ABCB5: variants seen among roughly 807,000 people sequenced by gnomAD.
ABCB5 encodes the protein ATP binding cassette subfamily B member 5.
In ABCB5, 155 loss-of-function variants were observed where a neutral mutation model predicts 144.2. That is an observed-to-expected ratio of 1.08 (90% CI 0.94 to 1.23). The LOEUF (loss-of-function observed/expected upper bound fraction) is 1.23, where lower values mean the gene tolerates loss of function less well. Among genes scored for constraint, ABCB5 ranks in the 50% most tolerant of loss-of-function variants. The pLI is 0.00. For missense variants in ABCB5, 1,830 were observed against 1,520.8 expected (o/e 1.20, Z -3.38); for synonymous variants, 610 against 528.6 (o/e 1.15, Z -2.11).
At chr7:20,728,181 C>T (rs926358967) in intron 22 of ABCB5, 134 bp from the exon 23 acceptor site, 81 of 1,052,860 alleles carry the variant, frequency 7.7e-5, no homozygotes, top group Non-Finnish European at 1.1e-4. Context: ...ATCACTTTCT[C>T]TTTCATCATT....
At chr7:20,623,697 A>T (rs1479104373) in intron 2 of ABCB5, among the ~76,000 whole-genome samples, 2 of 152,324 alleles carry the variant, frequency 1.3e-5, no homozygotes, top group Middle Eastern at 3.4e-3. Flanking sequence ...TACCTTTAAT[A>T]AAAGAAAATA....
rs141876137 is a variant in ABCB5, at chr7:20,618,297, T to A, written c.-22+2460T>A. On this transcript the variant is annotated intron_variant, in intron 1 of 27. Coordinates refer to ENST00000404938, the MANE Select transcript of ABCB5 (RefSeq NM_001163941.2). Reference sequence around the variant, plus strand: ...ACTTCATATTAATGGAATTATATAGTATGTTGTCTTTCGTGATTGGGTTAT... The same window carrying A: ...ACTTCATATTAATGGAATTATATAGAATGTTGTCTTTCGTGATTGGGTTAT... Among the ~76,000 whole-genome samples the A allele has an allele frequency of 4.0e-3, 604 of 152,346 alleles. 3 individuals are homozygous for A. Among genetic ancestry groups the A allele is most frequent in the African/African-American group, 0.014 (592 of 41,572 alleles).
Position 20,643,734 on chromosome 7 carries a change from C to T in ABCB5, c.678+102C>T, listed in dbSNP as rs1256896138. On this transcript the variant is annotated intron_variant, in intron 7 of 27. Transcript: ENST00000404938. ...TGGCTTTTCTATTCACTTGCCATGTCCCAAACTACAAAGGGATATTATACA... is the reference window on the plus strand; with the variant it reads ...TGGCTTTTCTATTCACTTGCCATGTTCCAAACTACAAAGGGATATTATACA... 5 of 1,267,172 alleles carry T rather than the reference C, an allele frequency of 3.9e-6. No individual in the cohort carries two copies. The East Asian group carries it at 1.2e-4, about 31-fold the overall frequency. The allele number at this position is 1,267,172 out of a possible 1,614,324, so 78.5% of individuals were successfully genotyped here.
intron 21 of ABCB5, among the ~76,000 whole-genome samples, chr7:20,724,633 A>T (rs1423900819): frequency 3.3e-5 from 5 of 150,850 alleles, no homozygotes; most frequent in African/African-American, 1.2e-4. Flanking sequence ...TGTCTCAAAA[A>T]AAAAAAAAAA....
intron 14 of ABCB5, among the ~76,000 whole-genome samples, chr7:20,676,291 T>C (rs1029476396): frequency 1.3e-5 from 2 of 152,096 alleles, no homozygotes; most frequent in Non-Finnish European, 1.5e-5. Flanking sequence ...AAGAGGTATA[T>C]ACACTCCCAT....
In ABCB5 at chr7:20,681,524, C is replaced by T. The variant is rs1403593190; in HGVS notation, c.1727C>T (p.Thr576Ile). 6.2e-7 allele frequency: 1 copy of T among 1,614,188 alleles called. No individual in the cohort carries two copies. Among genetic ancestry groups the T allele is most frequent in the Admixed American group, 1.7e-5 (1 of 60,026 alleles). Residue 576 changes from threonine (T) to isoleucine (I), a missense_variant, in exon 15 of 28, where the codon ACA (threonine) becomes ATA (isoleucine). By Grantham distance (89) the Thr-to-Ile change is moderately conservative. Coordinates refer to ENST00000404938, the MANE Select transcript of ABCB5 (RefSeq NM_001163941.2). ...ALEKASKGRT[T>I]IVVAHRLSTI... Reference sequence around the variant, plus strand: ...CTGTAGGCGAGCAAAGGTCGGACTACAATCGTGGTAGCACACCGACTTTCT... The same window carrying T: ...CTGTAGGCGAGCAAAGGTCGGACTATAATCGTGGTAGCACACCGACTTTCT...
chr7:20,656,235 A>G (rs1303875056), intron 13 of ABCB5, among the ~76,000 whole-genome samples: 1 of 152,214 alleles, frequency 6.6e-6, no homozygotes, highest in East Asian at 1.9e-4. Flanking sequence ...AAAGTTTCTT[A>G]GACTGAAAAG....
At chr7:20,700,014 T>C (rs759560308) in intron 18 of ABCB5, 44 bp from the exon 19 acceptor site, 1 of 1,604,186 alleles carries the variant, frequency 6.2e-7, no homozygotes, top group Non-Finnish European at 8.5e-7. Flanking sequence ...CAACTAAATG[T>C]TACAAAGGAA....
intron 21 of ABCB5, among the ~76,000 whole-genome samples, chr7:20,724,433 G>C (rs1311014818): frequency 6.6e-6 from 1 of 151,892 alleles, no homozygotes; most frequent in African/African-American, 2.4e-5. Context: ...TTTGAAACCA[G>C]CCTGGCCAAC....
chr7:20,654,535 C>A (rs58835955), intron 13 of ABCB5, among the ~76,000 whole-genome samples: 2 of 152,044 alleles, frequency 1.3e-5, no homozygotes, highest in South Asian at 4.1e-4. Flanking sequence ...CAGCCAACAA[C>A]AGCAGAATAC....
chr7:20,717,276 G>C (rs144851524), intron 20 of ABCB5, among the ~76,000 whole-genome samples: 2 of 152,056 alleles, frequency 1.3e-5, no homozygotes, highest in Non-Finnish European at 2.9e-5. Flanking sequence ...TGCAACAACA[G>C]ACATTCATTT....
At chr7:20,650,528 T>C (rs10950825) in intron 12 of ABCB5, among the ~76,000 whole-genome samples, 39,310 of 151,476 alleles carry the variant, frequency 0.26, 6,573 homozygotes, top group African/African-American at 0.47. Flanking sequence ...CAAAGTTTGT[T>C]CCAGAAGAAT....
chr7:20,638,371 ATAATT>A (rs140658888), intron 5 of ABCB5, among the ~76,000 whole-genome samples: 8,520 of 152,186 alleles, frequency 0.056, 328 homozygotes, highest in South Asian at 0.14. Context: ...TTGTTGATGT[ATAATT>A]TATTTAGCAT....
intron 20 of ABCB5, among the ~76,000 whole-genome samples, chr7:20,720,411 G>A (rs970499850): frequency 6.6e-6 from 1 of 152,198 alleles, no homozygotes; most frequent in East Asian, 1.9e-4. Context: ...CAACTTCATA[G>A]CGGAGAAACC....
chr7:20,676,414 C>G (rs555102906), intron 14 of ABCB5, among the ~76,000 whole-genome samples: 5 of 151,952 alleles, frequency 3.3e-5, no homozygotes, highest in Admixed American at 6.6e-5. Flanking sequence ...TATTAATAAG[C>G]CTTTAAAAAG....
intron 26 of ABCB5, among the ~76,000 whole-genome samples, chr7:20,746,217 C>G (rs188850124): frequency 2.4e-4 from 37 of 152,294 alleles, no homozygotes; most frequent in African/African-American, 8.4e-4. Flanking sequence ...CCTGCCTCAG[C>G]CTCCCAAGTA....
chr7:20,617,916 TAAC>T (rs1340278213), intron 1 of ABCB5, among the ~76,000 whole-genome samples: 3 of 151,924 alleles, frequency 2.0e-5, no homozygotes, highest in Non-Finnish European at 4.4e-5. Flanking sequence ...CAAGAAGATA[TAAC>T]AACTATAAGC....
At chr7:20,688,740 C>G (rs963971657) in intron 16 of ABCB5, among the ~76,000 whole-genome samples, 1 of 152,134 alleles carries the variant, frequency 6.6e-6, no homozygotes, top group Non-Finnish European at 1.5e-5. Context: ...CAATGATAGA[C>G]TGGATTAAGA....
intron 14 of ABCB5, among the ~76,000 whole-genome samples, chr7:20,669,278 A>C (rs1785370629): frequency 5.5e-5 from 8 of 145,722 alleles, no homozygotes; most frequent in African/African-American, 1.8e-4. Flanking sequence ...GTTTTGTGGA[A>C]TAGAAAGGCG....
Sources: allele counts gnomAD v4.1 joint callset (sites outside exome capture counted in the v4.1 genomes callset), GRCh38; gene constraint gnomAD v4.1.1; transcripts MANE v1.5; gene names NCBI Gene and HGNC (gene_info 2026-07-23, HGNC 2026-07-21).